FBXO31: variants seen among roughly 807,000 people sequenced by gnomAD.
FBXO31 encodes F-box protein 31.
In FBXO31, 24 loss-of-function variants were observed where a neutral mutation model predicts 54.4. The ratio of observed to expected loss-of-function variants is 0.44; its 90% CI spans 0.32 to 0.62. The LOEUF (loss-of-function observed/expected upper bound fraction) is 0.62. Ranked by LOEUF, FBXO31 falls within the 20% of genes least tolerant of loss-of-function variation. The probability of loss-of-function intolerance (pLI) is 0.05; values close to 1 mark genes in which losing one functional copy is unlikely to be tolerated. For missense variants in FBXO31, 665 were observed against 787.1 expected (o/e 0.84, Z 1.86); for synonymous variants, 388 against 335.6 (o/e 1.16, Z -1.71).
At chr16:87,381,690 A>G (rs1781553950) in intron 1 of FBXO31, among the ~76,000 whole-genome samples, 1 of 152,226 alleles carries the variant, frequency 6.6e-6, no homozygotes, top group African/African-American at 2.4e-5. Context: ...CAAAGGTTTC[A>G]TCAACATGCA....
chr16:87,342,953 T>G lies in FBXO31; in HGVS notation c.658-2A>C. ...GGAGAACTCATCCTTCTTCACAATC[T>G]TCAGTGTTTGCAACACAAGGAAAGA... On this transcript the variant is annotated splice_acceptor_variant, in intron 4 of 8. Coordinates refer to ENST00000311635, the MANE Select transcript of FBXO31 (RefSeq NM_024735.5). LOFTEE classifies it high-confidence loss of function. The G allele has an allele frequency of 6.2e-7, 1 of 1,605,532 alleles. No individual in the cohort carries two copies. Among genetic ancestry groups the G allele is most frequent in the Non-Finnish European group, 8.5e-7 (1 of 1,176,014 alleles).
At position 87,331,265 on chromosome 16, in the gene FBXO31, T is replaced by C. The variant is rs1904844717; in HGVS notation, c.*23A>G. 1.9e-6 allele frequency: 3 copies of C among 1,602,690 alleles called. No homozygotes were observed. Among genetic ancestry groups the C allele is most frequent in the African/African-American group, 2.7e-5 (2 of 74,720 alleles). On this transcript the variant is annotated 3_prime_UTR_variant, in exon 9 of 9. Transcript: ENST00000311635. ...TTCAGAGCCCCAGAGCCACCCGGGA[T>C]GTGGCGGCAAGGATGTGGCCGGTCA... is the stretch of plus-strand genomic sequence containing the variant.
At chr16:87,368,999 G>T (rs919029276) in intron 1 of FBXO31, among the ~76,000 whole-genome samples, 2 of 151,970 alleles carry the variant, frequency 1.3e-5, no homozygotes, top group Non-Finnish European at 2.9e-5. Flanking sequence ...ACGGGGTTTC[G>T]CCATGTCTCG....
chr16:87,378,961 C>CAA (rs757273645), intron 1 of FBXO31, among the ~76,000 whole-genome samples: 12 of 70,778 alleles, frequency 1.7e-4, no homozygotes, highest in Non-Finnish European at 2.7e-4. Context: ...GACTCCATCT[C>CAA]AAAAAAAAAA....
chr16:87,384,728 T>G (rs928668446), upstream of FBXO31, among the ~76,000 whole-genome samples: 5 of 152,218 alleles, frequency 3.3e-5, no homozygotes, highest in Admixed American at 2.6e-4. Context: ...AGCGAGACCC[T>G]GTCTACAAAA....
intron 2 of FBXO31, among the ~76,000 whole-genome samples, chr16:87,348,543 G>C (rs1274953795): frequency 1.3e-5 from 2 of 152,148 alleles, no homozygotes; most frequent in African/African-American, 2.4e-5. Context: ...GGGGTGACCG[G>C]GTAGAGACTA....
chr16:87,364,420 G>A (rs1407303070), intron 1 of FBXO31, among the ~76,000 whole-genome samples: 1 of 152,200 alleles, frequency 6.6e-6, no homozygotes, highest in Non-Finnish European at 1.5e-5. Context: ...GGAGGCACAG[G>A]GGGTGCACCA....
chr16:87,383,813 G>C, upstream of FBXO31: 4 of 1,081,668 alleles, frequency 3.7e-6, 1 homozygote, highest in South Asian at 1.8e-4. This position sits in a 1 kb window ranked among gnomAD's most constrained non-coding sequence, Gnocchi z 4.9. Flanking sequence ...CGCCAGCGCC[G>C]AGCCACGCCC....
At chr16:87,359,806 C>T (rs1181390528) in intron 2 of FBXO31, among the ~76,000 whole-genome samples, 1 of 152,138 alleles carries the variant, frequency 6.6e-6, no homozygotes, top group South Asian at 2.1e-4. Context: ...CTCTGGAAAG[C>T]GGGTGAACCA....
intron 2 of FBXO31, among the ~76,000 whole-genome samples, 166 bp from the exon 3 acceptor site, chr16:87,347,416 G>A (rs1368917002): frequency 2.0e-5 from 3 of 152,124 alleles, no homozygotes; most frequent in South Asian, 2.1e-4. Context: ...GAATGAGGCC[G>A]GGTGCGGTGG....
intron 4 of FBXO31, 139 bp downstream of exon 4, chr16:87,343,459 G>C (rs1905255504): frequency 9.7e-7 from 1 of 1,031,434 alleles, no homozygotes. Context: ...ATGCACAGCA[G>C]GGCAGGGCGG....
rs1050671053 is a variant in FBXO31 at position 87,358,988 on chromosome 16, G to A, written c.412+1307C>T. Among the ~76,000 whole-genome samples the A allele has an allele frequency of 4.6e-5, 7 of 152,258 alleles. No homozygotes were observed. The East Asian group carries it at 9.7e-4, about 21-fold the overall frequency. On this transcript the variant is annotated intron_variant, in intron 2 of 8. Transcript: ENST00000311635. The surrounding 1 kb of genome is among the most constrained non-coding windows in gnomAD (Gnocchi z 4.0). ...CCAAGGTTGCCCAACTACACCACCC[G>A]TTTCTGGAGCTAAGGCTGATTTTCT...
chr16:87,370,268 C>T (rs1281732636), intron 1 of FBXO31, among the ~76,000 whole-genome samples: 6 of 152,168 alleles, frequency 3.9e-5, no homozygotes, highest in Admixed American at 3.3e-4. Flanking sequence ...CCAGCGTGGC[C>T]GAGCCCGCAC....
chr16:87,364,153 C>T (rs1462880734), intron 1 of FBXO31, among the ~76,000 whole-genome samples: 1 of 152,176 alleles, frequency 6.6e-6, no homozygotes, highest in East Asian at 1.9e-4. Context: ...ATATTTCTGT[C>T]AAGTCAGCCA....
intron 1 of FBXO31, among the ~76,000 whole-genome samples, chr16:87,373,493 A>G (rs1597377373): frequency 6.6e-6 from 1 of 151,964 alleles, no homozygotes; most frequent in East Asian, 1.9e-4. Flanking sequence ...ACACACATAC[A>G]TACCTGAATA....
rs1406827080 is a variant in FBXO31, at chr16:87,358,799, A to C, written c.412+1496T>G. Among the ~76,000 whole-genome samples, 2 of 152,142 alleles carry C rather than the reference A, an allele frequency of 1.3e-5. No homozygotes were observed. The highest frequency in any genetic ancestry group is 2.4e-5 in the African/African-American group (1 of 41,426). ...GCACACTCCCGGCAGGCCCCAGGCC[A>C]CAGCTCACTGGGGCTCAGGAGGTGG... On this transcript the variant is annotated intron_variant, in intron 2 of 8. Transcript: ENST00000311635. This position sits in a 1 kb window ranked among gnomAD's most constrained non-coding sequence, Gnocchi z 4.0.
chr16:87,383,390 C>T lies in FBXO31; in HGVS notation c.340+15G>A, dbSNP rs1354804376. ...CCCCCCGCCCCTCCCGGCCCCGCCA[C>T]CCCCGCGCGCTCACCCTCACGGCAA... On this transcript the variant is annotated intron_variant, in intron 1 of 8. Transcript: ENST00000311635. This position sits in a 1 kb window ranked among gnomAD's most constrained non-coding sequence, Gnocchi z 4.9. The T allele has an allele frequency of 2.0e-6, 3 of 1,527,364 alleles. No homozygotes were observed. Among genetic ancestry groups the T allele is most frequent in the Admixed American group, 2.0e-5 (1 of 48,930 alleles). 94.6% of individuals were successfully genotyped at this position (1,527,364 alleles called of 1,614,324 possible).
intron 1 of FBXO31, among the ~76,000 whole-genome samples, chr16:87,374,366 A>G (rs1367633765): frequency 1.3e-5 from 2 of 152,184 alleles, no homozygotes. Context: ...CAGAAAACTT[A>G]GCCTACAGCT....
upstream of FBXO31, chr16:87,392,107 G>C (rs1281925999): frequency 7.2e-6 from 2 of 276,304 alleles, no homozygotes; most frequent in African/African-American, 2.2e-5. Context: ...GCGCCCAGCG[G>C]TGCTGGGCGG....
Sources: gnomAD v4.1 joint callset for allele counts (sites outside exome capture counted in the v4.1 genomes callset) on GRCh38, gnomAD v4.1.1 for gene constraint, Gnocchi (gnomAD v3.1) non-coding constraint, MANE v1.5 for transcripts, NCBI Gene and HGNC (gene_info 2026-07-23, HGNC 2026-07-21) for gene names.